RAP1GAP2: variants seen among roughly 807,000 people sequenced by gnomAD.
The protein encoded by RAP1GAP2 is rap1 GTPase-activating protein 2.
RAP1GAP2 carries 27 observed loss-of-function variants against 95.0 expected under a neutral mutation model. The observed-to-expected ratio is 0.28, with a 90% CI of 0.21 to 0.39. RAP1GAP2 has a LOEUF of 0.39. RAP1GAP2 is among the 10% of genes least tolerant of loss of function. The probability of loss-of-function intolerance (pLI) is 1.00; values close to 1 mark genes in which losing one functional copy is unlikely to be tolerated. For missense variants in RAP1GAP2, 771 were observed against 970.0 expected (o/e 0.79, Z 2.72); for synonymous variants, 373 against 380.9 (o/e 0.98, Z 0.24).
At chr17:2,961,750 G>A (rs1158878038) in intron 4 of RAP1GAP2, among the ~76,000 whole-genome samples, 1 of 152,164 alleles carries the variant, frequency 6.6e-6, no homozygotes, top group East Asian at 1.9e-4. Flanking sequence ...TAGTAAGTTC[G>A]CAGCAGAATG....
intron 8 of RAP1GAP2, among the ~76,000 whole-genome samples, chr17:2,972,400 C>T (rs966578132): frequency 2.0e-5 from 3 of 152,088 alleles, no homozygotes; most frequent in African/African-American, 7.2e-5. Context: ...GAGGCCAAGG[C>T]GAGTGGATCA....
At position 3,026,086 on chromosome 17, in the gene RAP1GAP2, T is replaced by G. The variant is rs771923569; in HGVS notation, c.1830T>G (p.Asn610Lys). Residue 610 changes from asparagine to lysine, a missense_variant, in exon 20 of 25, where the codon AAT (asparagine) becomes AAG (lysine). Coordinates refer to ENST00000254695, the MANE Select transcript of RAP1GAP2 (RefSeq NM_015085.5). Reference protein sequence around the residue: ...SQEIKSETSSNPSSPEICPNK... With the variant: ...SQEIKSETSSKPSSPEICPNK... ...AGATAAAGTCTGAGACCTCATCCAA[T>G]CCCAGCTCTCCGGAAATCTGCCCCA... The G allele has an allele frequency of 8.1e-6, 13 of 1,613,116 alleles. No homozygotes were observed. Among genetic ancestry groups the G allele is most frequent in the African/African-American group, 2.7e-5 (2 of 74,850 alleles).
intron 2 of RAP1GAP2, among the ~76,000 whole-genome samples, chr17:2,852,337 TGGGGG>T: frequency 1.4e-5 from 1 of 69,620 alleles, no homozygotes; most frequent in East Asian, 7.9e-4. Flanking sequence ...AGGGAGGGGG[TGGGGG>T]TGGGGGTGGG....
chr17:2,883,288 C>G (rs1256383813), intron 2 of RAP1GAP2, among the ~76,000 whole-genome samples: 1 of 152,180 alleles, frequency 6.6e-6, no homozygotes, highest in Non-Finnish European at 1.5e-5. Context: ...AAAGCACTTT[C>G]TGTCTGCAGG....
At chr17:2,929,624 G>A (rs2043077878) in intron 3 of RAP1GAP2, among the ~76,000 whole-genome samples, 2 of 152,154 alleles carry the variant, frequency 1.3e-5, no homozygotes, top group Non-Finnish European at 2.9e-5. Flanking sequence ...CCTCATGCTT[G>A]CCCTCTTCCG....
At chr17:2,820,696 G>A (rs1567677896) in intron 2 of RAP1GAP2, among the ~76,000 whole-genome samples, 1 of 151,048 alleles carries the variant, frequency 6.6e-6, no homozygotes, top group Non-Finnish European at 1.5e-5. Flanking sequence ...CGTCCTCACT[G>A]ATGTTTGATT....
At chr17:2,763,291 G>C (rs903841728) in intron 1 of RAP1GAP2, among the ~76,000 whole-genome samples, 2 of 152,158 alleles carry the variant, frequency 1.3e-5, no homozygotes, top group Non-Finnish European at 2.9e-5. Context: ...GCTGTGTAAG[G>C]ATGTTGTGGG....
At chr17:2,787,802 C>CAG (rs2068825140) in intron 1 of RAP1GAP2, among the ~76,000 whole-genome samples, 1 of 151,740 alleles carries the variant, frequency 6.6e-6, no homozygotes, top group Non-Finnish European at 1.5e-5. Context: ...CTCCTGACCT[C>CAG]GTGATCTGCC....
At chr17:2,763,201 C>T (rs1400125028) in intron 1 of RAP1GAP2, among the ~76,000 whole-genome samples, 1 of 152,156 alleles carries the variant, frequency 6.6e-6, no homozygotes, top group Non-Finnish European at 1.5e-5. Context: ...TCATCTGTGT[C>T]AGAGCATTCC....
At chr17:2,853,630 C>T (rs1421661665) in intron 2 of RAP1GAP2, among the ~76,000 whole-genome samples, 1 of 148,448 alleles carries the variant, frequency 6.7e-6, no homozygotes, top group Non-Finnish European at 1.5e-5. Context: ...CGTCCTCCAC[C>T]ATCCGGGCGG....
intron 9 of RAP1GAP2, 48 bp from the exon 10 acceptor site, chr17:2,981,147 T>G: frequency 6.4e-7 from 1 of 1,569,994 alleles, no homozygotes; most frequent in Non-Finnish European, 8.7e-7. Context: ...AGCCCAGATG[T>G]CCTCTACAGA....
intron 12 of RAP1GAP2, among the ~76,000 whole-genome samples, chr17:2,993,416 A>G (rs1047824854): frequency 2.7e-5 from 4 of 150,270 alleles, no homozygotes; most frequent in Admixed American, 6.7e-5. Flanking sequence ...TACTAAAAAT[A>G]CGAAAAATTA....
rs570547783 is a variant in RAP1GAP2, at chr17:2,936,052, C to T, written c.166-21707C>T. On this transcript the variant is annotated intron_variant, in intron 3 of 24. Coordinates refer to ENST00000254695, the MANE Select transcript of RAP1GAP2 (RefSeq NM_015085.5). ...ACGGTGGGGAGATGTGCGCAGACCGCCATCTCCTCTCCCTGTCTCCACCTC... is the reference window on the plus strand; with the variant it reads ...ACGGTGGGGAGATGTGCGCAGACCGTCATCTCCTCTCCCTGTCTCCACCTC... Among the ~76,000 whole-genome samples the T allele has an allele frequency of 1.1e-4, 17 of 151,794 alleles. No homozygotes were observed. The East Asian group carries it at 3.3e-3, about 29-fold the overall frequency.
intron 3 of RAP1GAP2, among the ~76,000 whole-genome samples, chr17:2,935,868 G>A (rs1036032257): frequency 6.6e-6 from 1 of 152,128 alleles, no homozygotes; most frequent in Non-Finnish European, 1.5e-5. Context: ...AGCTGCTGGA[G>A]AAAAACCACA....
chr17:2,967,695 T>C (rs745513594), intron 8 of RAP1GAP2, among the ~76,000 whole-genome samples: 58 of 152,256 alleles, frequency 3.8e-4, no homozygotes, highest in Non-Finnish European at 4.6e-4. Context: ...CAGGCCAAAT[T>C]GGAAACCAGA....
chr17:2,947,592 G>T (rs1270948317), intron 3 of RAP1GAP2, among the ~76,000 whole-genome samples: 1 of 152,180 alleles, frequency 6.6e-6, no homozygotes, highest in Non-Finnish European at 1.5e-5. Context: ...ATAGCACAGG[G>T]ATATGGCAAG....
At chr17:2,790,110 C>CT (rs112066606) in intron 1 of RAP1GAP2, among the ~76,000 whole-genome samples, 223 of 144,678 alleles carry the variant, frequency 1.5e-3, no homozygotes, top group Non-Finnish European at 2.0e-3. Context: ...CTCCATCATC[C>CT]TTTTTTTTTT....
intron 3 of RAP1GAP2, among the ~76,000 whole-genome samples, chr17:2,905,598 G>A (rs2042172508): frequency 6.6e-6 from 1 of 152,222 alleles, no homozygotes; most frequent in African/African-American, 2.4e-5. Flanking sequence ...TTGAAATGGG[G>A]TTGGCAGGAC....
chr17:2,893,829 C>G (rs1252239939), intron 2 of RAP1GAP2, among the ~76,000 whole-genome samples: 1 of 152,248 alleles, frequency 6.6e-6, no homozygotes, highest in Admixed American at 6.5e-5. Context: ...TGCGTAGGCA[C>G]CTGGCTTGGT....
Sources: gnomAD v4.1 joint callset for allele counts (sites outside exome capture counted in the v4.1 genomes callset) on GRCh38, gnomAD v4.1.1 for gene constraint, MANE v1.5 for transcripts, NCBI Gene and HGNC (gene_info 2026-07-23, HGNC 2026-07-21) for gene names.